Variants in PTPRT observed in about 807,000 individuals in gnomAD.
The protein encoded by PTPRT is receptor-type tyrosine-protein phosphatase T.
Under a neutral mutation model 176.8 loss-of-function variants are expected in PTPRT, and 56 were observed. That is an observed-to-expected ratio of 0.32 (90% confidence interval 0.26 to 0.40). PTPRT has a LOEUF of 0.40. Ranked by LOEUF, PTPRT falls within the 10% of genes least tolerant of loss-of-function variation. The pLI is 1.00. For missense variants in PTPRT, 1,540 were observed against 1,908.2 expected, an observed-to-expected ratio of 0.81 and a Z score of 3.60; for synonymous variants, 783 against 739.0, an observed-to-expected ratio of 1.06 and a Z score of -0.96.
intron 6 of PTPRT, among the ~76,000 whole-genome samples, chr20:42,694,138 AC>A (rs1376954861): frequency 6.7e-6 from 1 of 149,566 alleles, no homozygotes; most frequent in Non-Finnish European, 1.5e-5. Flanking sequence ...TCCCAGGTTC[AC>A]GCCATTCTCC....
chr20:42,761,342 G>A (rs1170494273), intron 5 of PTPRT, among the ~76,000 whole-genome samples: 2 of 151,962 alleles, frequency 1.3e-5, no homozygotes, highest in African/African-American at 2.4e-5. Flanking sequence ...GCCGAGGAAG[G>A]AGAATCGCTT....
intron 15 of PTPRT, among the ~76,000 whole-genome samples, chr20:42,233,787 T>A (rs1046840688): frequency 2.0e-5 from 3 of 152,214 alleles, no homozygotes; most frequent in African/African-American, 7.2e-5. Flanking sequence ...ATGGAAACCC[T>A]GTGTCCTATC....
intron 11 of PTPRT, among the ~76,000 whole-genome samples, chr20:42,327,304 A>C (rs750323788): frequency 5.3e-5 from 8 of 152,116 alleles, no homozygotes; most frequent in Non-Finnish European, 1.0e-4. Flanking sequence ...TTATTTACTG[A>C]AAAATTTTAG....
intron 1 of PTPRT, among the ~76,000 whole-genome samples, chr20:43,101,671 G>A (rs1032105592): frequency 6.6e-6 from 1 of 152,194 alleles, no homozygotes; most frequent in African/African-American, 2.4e-5. Context: ...ATGCTCAGGT[G>A]TTACAAGTAG....
chr20:42,629,176 G>T (rs2074355336), intron 7 of PTPRT, among the ~76,000 whole-genome samples: 1 of 151,098 alleles, frequency 6.6e-6, no homozygotes, highest in South Asian at 2.1e-4. Flanking sequence ...TGTAAGAAAA[G>T]CCAGTGAGGA....
intron 7 of PTPRT, among the ~76,000 whole-genome samples, chr20:42,535,061 T>C (rs773293053): frequency 1.3e-5 from 2 of 152,160 alleles, no homozygotes; most frequent in Non-Finnish European, 2.9e-5. Flanking sequence ...TGAACCTGCC[T>C]GAAGTCATAT....
intron 1 of PTPRT, among the ~76,000 whole-genome samples, chr20:42,985,687 A>G (rs981644051): frequency 3.9e-5 from 6 of 152,182 alleles, no homozygotes; most frequent in Non-Finnish European, 7.3e-5. Flanking sequence ...TAAATACTAC[A>G]GAGAAGAAAA....
chr20:42,744,387 AC>A (rs1443954541), intron 6 of PTPRT, among the ~76,000 whole-genome samples: 1 of 152,222 alleles, frequency 6.6e-6, no homozygotes, highest in Non-Finnish European at 1.5e-5. Flanking sequence ...ATCTTCAAAA[AC>A]AATCAATACG....
At chr20:42,815,339 A>C (rs1212984893) in intron 2 of PTPRT, among the ~76,000 whole-genome samples, 3 of 152,176 alleles carry the variant, frequency 2.0e-5, no homozygotes, top group Admixed American at 6.5e-5. Flanking sequence ...GAAGGAGCTT[A>C]GCGTTTGTCA....
At chr20:42,147,071 G>T (rs1435631921) in intron 17 of PTPRT, among the ~76,000 whole-genome samples, 3 of 152,088 alleles carry the variant, frequency 2.0e-5, no homozygotes, top group Non-Finnish European at 4.4e-5. Context: ...AGACTTCTTT[G>T]CATCTAATAA....
At chr20:43,172,694 C>A (rs1299972342) in intron 1 of PTPRT, among the ~76,000 whole-genome samples, 1 of 152,156 alleles carries the variant, frequency 6.6e-6, no homozygotes, top group Non-Finnish European at 1.5e-5. Flanking sequence ...TGACATACCT[C>A]ACCTCATTAA....
chr20:43,034,139 T>C (rs1986270565), intron 1 of PTPRT, among the ~76,000 whole-genome samples: 1 of 152,216 alleles, frequency 6.6e-6, no homozygotes, highest in South Asian at 2.1e-4. Flanking sequence ...GAAATCTGTC[T>C]TTCCTGACCC....
chr20:42,402,957 T>C (rs961811732), intron 9 of PTPRT, among the ~76,000 whole-genome samples: 6 of 152,170 alleles, frequency 3.9e-5, no homozygotes, highest in African/African-American at 1.4e-4. Flanking sequence ...ACAGCTGACA[T>C]ATATAAAAAT....
At chr20:42,896,875 T>G (rs2079309649) in intron 1 of PTPRT, among the ~76,000 whole-genome samples, 1 of 152,186 alleles carries the variant, frequency 6.6e-6, no homozygotes, top group South Asian at 2.1e-4. Context: ...TTATTAATTG[T>G]GAACACCCTA....
At chr20:43,103,750 G>GTAATAATAA (rs3092031) in intron 1 of PTPRT, among the ~76,000 whole-genome samples, 3,857 of 146,058 alleles carry the variant, frequency 0.026, 86 homozygotes, top group African/African-American at 0.054. Context: ...GGGGAGATCA[G>GTAATAATAA]TAATAATAAT....
chr20:43,024,717 T>C (rs1027009483), intron 1 of PTPRT, among the ~76,000 whole-genome samples: 13 of 152,206 alleles, frequency 8.5e-5, no homozygotes, highest in Non-Finnish European at 1.5e-4. Context: ...CACTATTCCA[T>C]TGGGCCTGCC....
chr20:42,803,142 G>A (rs1463500032), intron 2 of PTPRT, among the ~76,000 whole-genome samples: 1 of 152,218 alleles, frequency 6.6e-6, no homozygotes, highest in Admixed American at 6.5e-5. Flanking sequence ...GGGCCTAGAA[G>A]GCACCAGGAA....
intron 9 of PTPRT, among the ~76,000 whole-genome samples, chr20:42,390,648 G>C (rs1394673915): frequency 6.6e-6 from 1 of 152,158 alleles, no homozygotes; most frequent in East Asian, 1.9e-4. Context: ...GACAATAGCT[G>C]TGTGAGTACA....
At chr20:42,652,119 T>C (rs564059997) in intron 7 of PTPRT, among the ~76,000 whole-genome samples, 215 of 151,514 alleles carry the variant, frequency 1.4e-3, no homozygotes, top group Admixed American at 3.9e-3. Context: ...ATATCTTCAA[T>C]TGCTATTAAT....
Sources: allele counts gnomAD v4.1 joint callset (sites outside exome capture counted in the v4.1 genomes callset), GRCh38; gene constraint gnomAD v4.1.1; transcripts MANE v1.5; gene names NCBI Gene and HGNC (gene_info 2026-07-23, HGNC 2026-07-21).